PAPSS2: variants seen among roughly 807,000 people sequenced by gnomAD.
PAPSS2 encodes 3'-phosphoadenosine 5'-phosphosulfate synthase 2.
A neutral mutation model predicts 66.5 loss-of-function variants in PAPSS2; 61 were observed. The ratio of observed to expected loss-of-function variants is 0.92; its 90% CI spans 0.75 to 1.14. PAPSS2 has a LOEUF of 1.14. Among genes scored for constraint, PAPSS2 ranks in the 50% most tolerant of loss-of-function variants. The pLI, the probability that PAPSS2 is intolerant of heterozygous loss-of-function variation, is 0.00. For synonymous variants in PAPSS2, 289 were observed against 287.5 expected (o/e 1.01, Z -0.05); for missense variants, 708 against 789.6 (o/e 0.90, Z 1.24).
At chr10:87,694,089 T>G (rs1237341775) in intron 1 of PAPSS2, among the ~76,000 whole-genome samples, 1 of 152,244 alleles carries the variant, frequency 6.6e-6, no homozygotes, top group Admixed American at 6.5e-5. Context: ...AGTCCAAGTA[T>G]TCCACATCAT....
intron 1 of PAPSS2, among the ~76,000 whole-genome samples, chr10:87,694,741 G>A (rs1853211429): frequency 6.6e-6 from 1 of 152,156 alleles, no homozygotes; most frequent in South Asian, 2.1e-4. Flanking sequence ...TACAAGTTTT[G>A]GATATAAAAG....
chr10:87,713,379 T>C, intron 3 of PAPSS2, 69 bp downstream of exon 3: 1 of 865,354 alleles, frequency 1.2e-6, no homozygotes, highest in Non-Finnish European at 1.8e-6. Context: ...GCTCTCCAAC[T>C]GCTAGGGGAA....
intron 1 of PAPSS2, among the ~76,000 whole-genome samples, chr10:87,704,619 T>G (rs2131926429): frequency 6.6e-6 from 1 of 152,234 alleles, no homozygotes; most frequent in Admixed American, 6.5e-5. Context: ...ATTGTATATT[T>G]TCTCATCTGC....
chr10:87,689,363 A>T (rs1853135629), intron 1 of PAPSS2, among the ~76,000 whole-genome samples: 1 of 151,166 alleles, frequency 6.6e-6, no homozygotes, highest in Non-Finnish European at 1.5e-5. Flanking sequence ...AAACAAAAAA[A>T]ACCCACAAAG....
intron 8 of PAPSS2, among the ~76,000 whole-genome samples, chr10:87,726,297 G>A (rs1195809610): frequency 6.6e-6 from 1 of 152,168 alleles, no homozygotes; most frequent in Non-Finnish European, 1.5e-5. Flanking sequence ...GGGAGTGGTG[G>A]CACATGCCTG....
intron 1 of PAPSS2, among the ~76,000 whole-genome samples, chr10:87,674,912 A>T (rs1852926742): frequency 6.6e-6 from 1 of 152,234 alleles, no homozygotes; most frequent in South Asian, 2.1e-4. Context: ...GACTCCAAAA[A>T]GGGTAAGAAA....
chr10:87,660,040 C>T, intron 1 of PAPSS2, 32 bp downstream of exon 1: 1 of 1,604,922 alleles, frequency 6.2e-7, no homozygotes, highest in Non-Finnish European at 8.5e-7. Context: ...TCCCTCCCCG[C>T]CACCGCACTG....
At chr10:87,743,272 G>T in intron 10 of PAPSS2, 101 bp from the exon 11 acceptor site, 1,258 of 1,014,814 alleles carry the variant, frequency 1.2e-3, no homozygotes, top group Non-Finnish European at 1.8e-3. Context: ...AGTGGATAAT[G>T]AATGCACAGA....
chr10:87,729,699 A>G (rs1853704693), intron 9 of PAPSS2, among the ~76,000 whole-genome samples: 1 of 152,184 alleles, frequency 6.6e-6, no homozygotes, highest in South Asian at 2.1e-4. Context: ...GAAGGCATGT[A>G]GAAAGCTGAA....
intron 1 of PAPSS2, among the ~76,000 whole-genome samples, chr10:87,684,059 A>G (rs2131906953): frequency 6.6e-6 from 1 of 152,350 alleles, no homozygotes; most frequent in Non-Finnish European, 1.5e-5. Context: ...TGTAGCCTGC[A>G]TAGCTTTTTT....
chr10:87,714,319 T>C (rs1427662744), intron 4 of PAPSS2, 137 bp downstream of exon 4: 1 of 876,218 alleles, frequency 1.1e-6, no homozygotes, highest in Admixed American at 1.9e-5. Context: ...TTTTATCAGA[T>C]CATGATATAT....
chr10:87,689,495 C>T (rs1468256507), intron 1 of PAPSS2, among the ~76,000 whole-genome samples: 5 of 151,634 alleles, frequency 3.3e-5, no homozygotes, highest in South Asian at 2.1e-4. Flanking sequence ...GGTGAAACCC[C>T]GTCTCTACTA....
intron 2 of PAPSS2, among the ~76,000 whole-genome samples, chr10:87,710,093 A>T (rs1196476286): frequency 6.6e-6 from 1 of 152,234 alleles, no homozygotes; most frequent in Non-Finnish European, 1.5e-5. Context: ...CAGTTTTCAA[A>T]TGGAATGAGC....
chr10:87,714,771 G>A lies in PAPSS2; in HGVS notation c.547G>A (p.Glu183Lys), dbSNP rs774709274. The part of the protein sequence containing the change: ...KGFTGIDSDY[E>K]KPETPERVLK... Reference sequence around the variant, plus strand: ...ATTTACAGGTATTGATTCTGATTATGAGAAACCTGAAACTCCTGAGCGTGT... The same window carrying A: ...ATTTACAGGTATTGATTCTGATTATAAGAAACCTGAAACTCCTGAGCGTGT... The change falls in exon 5 of 13, where the codon GAG becomes AAG. Residue 183 changes from glutamate to lysine, a missense_variant. Glu to Lys is a moderately conservative substitution (Grantham distance 56, BLOSUM62 1). Transcript: ENST00000456849. The A allele has an allele frequency of 8.1e-6, 13 of 1,610,060 alleles. No homozygotes were observed. Among genetic ancestry groups the A allele is most frequent in the Admixed American group, 1.7e-5 (1 of 59,990 alleles).
chr10:87,727,037 A>G (rs1313794778), intron 8 of PAPSS2, among the ~76,000 whole-genome samples: 1 of 152,208 alleles, frequency 6.6e-6, no homozygotes, highest in Non-Finnish European at 1.5e-5. Context: ...TCACTTATGG[A>G]GGCCACCTCC....
At chr10:87,712,664 C>T (rs910352525) in intron 2 of PAPSS2, among the ~76,000 whole-genome samples, 5 of 152,058 alleles carry the variant, frequency 3.3e-5, no homozygotes, top group African/African-American at 9.7e-5. Flanking sequence ...ACTATGTTCC[C>T]CAGGCTAGTT....
intron 1 of PAPSS2, among the ~76,000 whole-genome samples, chr10:87,701,845 CA>C (rs1169622378): frequency 6.6e-6 from 1 of 152,010 alleles, no homozygotes; most frequent in Non-Finnish European, 1.5e-5. Context: ...ATATTCTTAC[CA>C]AAATAAGTAC....
At chr10:87,718,136 G>T (rs1456036685) in intron 7 of PAPSS2, among the ~76,000 whole-genome samples, 2 of 151,582 alleles carry the variant, frequency 1.3e-5, no homozygotes, top group East Asian at 1.9e-4. Flanking sequence ...TCTGCCTCCC[G>T]GGTTCAAGCG....
At chr10:87,722,753 C>T (rs902270593) in intron 8 of PAPSS2, among the ~76,000 whole-genome samples, 4 of 152,072 alleles carry the variant, frequency 2.6e-5, no homozygotes, top group Non-Finnish European at 4.4e-5. Context: ...TAGTTGGATA[C>T]GTTTATATAT....
Sources: gnomAD v4.1 joint callset for allele counts (sites outside exome capture counted in the v4.1 genomes callset) on GRCh38, gnomAD v4.1.1 for gene constraint, MANE v1.5 for transcripts, NCBI Gene and HGNC (gene_info 2026-07-23, HGNC 2026-07-21) for gene names.